The following ASH2L variants were observed in gnomAD, a reference collection of about 807,000 sequenced individuals.
ASH2L encodes set1/Ash2 histone methyltransferase complex subunit ASH2.
Under a neutral mutation model 81.1 loss-of-function variants are expected in ASH2L, and 30 were observed. That is an observed-to-expected ratio of 0.37 (90% CI 0.28 to 0.50). ASH2L has a LOEUF of 0.50. Ranked by LOEUF, ASH2L falls within the 20% of genes least tolerant of loss-of-function variation. The pLI is 0.95. For synonymous variants in ASH2L, 273 were observed against 279.9 expected, an observed-to-expected ratio of 0.98 and a Z score of 0.24; for missense variants, 559 against 792.1, an observed-to-expected ratio of 0.71 and a Z score of 3.53.
intron 5 of ASH2L, among the ~76,000 whole-genome samples, chr8:38,111,833 T>TA (rs1585569154): frequency 1.3e-5 from 2 of 152,192 alleles, no homozygotes; most frequent in African/African-American, 2.4e-5. Flanking sequence ...ATAATCATAA[T>TA]AAAAAAATTT....
At chr8:38,119,157 C>T (rs1811030364) in intron 8 of ASH2L, 113 bp from the exon 9 acceptor site, 1 of 912,270 alleles carries the variant, frequency 1.1e-6, no homozygotes, top group Non-Finnish European at 1.7e-6. Context: ...GAAGGAAATC[C>T]TCCTGTGGTG....
At position 38,110,839 on chromosome 8, in the gene ASH2L, G is replaced by A. The variant is rs1355998276; in HGVS notation, c.585+6G>A. The A allele has an allele frequency of 6.2e-7, 1 of 1,610,176 alleles. No homozygotes were observed. Among genetic ancestry groups the A allele is most frequent in the Non-Finnish European group, 8.5e-7 (1 of 1,177,456 alleles). On this transcript the variant is annotated splice_donor_region_variant and intron_variant, in intron 5 of 15. Transcript: ENST00000343823. ...CAATGTTCTCCAAAGATAAGGTAGA[G>A]GTGGAACTAATGTGATTGCAGTTAT...
intron 12 of ASH2L, 110 bp from the exon 13 acceptor site, chr8:38,133,344 T>TA (rs1256576928): frequency 7.9e-5 from 56 of 711,524 alleles, no homozygotes; most frequent in Non-Finnish European, 1.2e-4. Flanking sequence ...AGATTTTTAA[T>TA]ATCTGTTGTA....
At chr8:38,121,783 T>C (rs1006114551) in intron 10 of ASH2L, among the ~76,000 whole-genome samples, 1 of 152,198 alleles carries the variant, frequency 6.6e-6, no homozygotes, top group African/African-American at 2.4e-5. Flanking sequence ...CAATGTCTTA[T>C]AGCATCATCT....
At position 38,128,419 on chromosome 8, in the gene ASH2L, C is replaced by T. The variant is rs754345234; in HGVS notation, c.1294C>T (p.Pro432Ser). The change falls in exon 11 of 16, where the codon CCA (proline) becomes TCA (serine). Residue 432 changes from proline to serine, a missense_variant. Coordinates refer to ENST00000343823, the MANE Select transcript of ASH2L (RefSeq NM_004674.5). Reference sequence around the variant, plus strand: ...TGAAATCACTGTGGATGAGATGCCACCAGATACCGCTGCCAGACTGGGTTG... The same window carrying T: ...TGAAATCACTGTGGATGAGATGCCATCAGATACCGCTGCCAGACTGGGTTG... ...YFEITVDEMP[P>S]DTAARLGWSQ... 8.1e-6 allele frequency: 13 copies of T among 1,614,114 alleles called. No individual in the cohort carries two copies. The highest frequency in any genetic ancestry group is 1.6e-4 in the Middle Eastern group (1 of 6,062).
intron 1 of ASH2L, 176 bp downstream of exon 1, chr8:38,105,914 C>G: frequency 6.8e-7 from 1 of 1,470,014 alleles, no homozygotes. Context: ...GGATAACGCC[C>G]CTTCCGCACC....
chr8:38,121,392 T>C (rs1811145316), intron 10 of ASH2L, among the ~76,000 whole-genome samples: 1 of 145,916 alleles, frequency 6.9e-6, no homozygotes, highest in Non-Finnish European at 1.5e-5. Context: ...TTTTTAAAAC[T>C]TTCTATTTTG....
rs772139834 is a variant in ASH2L, at chr8:38,106,422, C to T, written c.233C>T (p.Ser78Leu). The T allele has an allele frequency of 4.3e-6, 7 of 1,613,462 alleles. No homozygotes were observed. Among genetic ancestry groups the T allele is most frequent in the Non-Finnish European group, 5.9e-6 (7 of 1,179,744 alleles). ...VDVSGGLETE[S>L]SNGKDTLEGA... is the part of the protein sequence containing the mutation. ...GTAAGCGGTGGCTTGGAGACAGAAT[C>T]ATCTAATGGAAAAGATACACTAGTA... Residue 78 changes from serine (S) to leucine (L), a missense_variant, in exon 2 of 16, where the codon TCA (serine) becomes TTA (leucine). Physicochemically the swap from Ser to Leu is moderately radical, Grantham distance 145. This residue lies in a region of ASH2L where 145 missense variants were observed against 115.5 expected (regional missense o/e 1.26). Coordinates refer to ENST00000343823, the MANE Select transcript of ASH2L (RefSeq NM_004674.5).
chr8:38,131,918 G>C (rs547662533), intron 12 of ASH2L, among the ~76,000 whole-genome samples: 2 of 151,276 alleles, frequency 1.3e-5, no homozygotes, highest in Non-Finnish European at 2.9e-5. Context: ...ACGCAGTCTC[G>C]GCATACTGCA....
intron 10 of ASH2L, among the ~76,000 whole-genome samples, chr8:38,121,842 T>C: frequency 6.6e-6 from 1 of 152,206 alleles, no homozygotes; most frequent in East Asian, 1.9e-4. Context: ...TTGACCATGA[T>C]CATTTGGTTA....
rs766485755 is a variant in ASH2L at position 38,105,685 on chromosome 8, G to T, written c.135G>T (p.Glu45Asp). 1 of 1,583,880 alleles carries T rather than the reference G, an allele frequency of 6.3e-7. No individual in the cohort carries two copies. Among genetic ancestry groups the T allele is most frequent in the Admixed American group, 1.8e-5 (1 of 55,098 alleles). Residue 45 changes from glutamate (E) to aspartate (D), a missense_variant, in exon 1 of 16, where the codon GAG becomes GAT. Around this residue, in one of 4 missense-constraint regions of ASH2L, gnomAD observed 145 missense variants for 115.5 expected, o/e 1.26. Transcript: ENST00000343823. Reference protein sequence around the residue: ...VAAGAAAPPGEGISAAPTVEP... With the variant: ...VAAGAAAPPGDGISAAPTVEP... ...CGGGAGCAGCCGCTCCTCCTGGAGA[G>T]GGGATCTCTGCTGCTCCGACAGTTG...
chr8:38,105,717 G>C lies in ASH2L; in HGVS notation c.167G>C (p.Ser56Thr). 6.5e-7 allele frequency: 1 copy of C among 1,535,904 alleles called. No homozygotes were observed. Among genetic ancestry groups the C allele is most frequent in the Non-Finnish European group, 8.7e-7 (1 of 1,143,966 alleles). Residue 56 changes from serine to threonine, a missense_variant, in exon 1 of 16, where the codon AGT (serine) becomes ACT (threonine). By Grantham distance (58) the Ser-to-Thr change is moderately conservative. Around this residue, in one of 4 missense-constraint regions of ASH2L, gnomAD observed 145 missense variants for 115.5 expected, o/e 1.26. Coordinates refer to ENST00000343823, the MANE Select transcript of ASH2L (RefSeq NM_004674.5). ...TCTGCTGCTCCGACAGTTGAGCCCA[G>C]TTCCGGGGAGGCTGAAGGCGGGTAA... ...GISAAPTVEP[S>T]SGEAEGGEAN...
Position 38,139,486 on chromosome 8 carries a change from GT to G in ASH2L, c.*418del, listed in dbSNP as rs1310846724. 6.4e-6 allele frequency: 1 copy of G among 157,244 alleles called. No individual in the cohort carries two copies. Among genetic ancestry groups the G allele is most frequent in the Non-Finnish European group, 1.4e-5 (1 of 71,016 alleles). 9.7% of individuals were successfully genotyped at this position (157,244 alleles called of 1,614,324 possible). A position where few individuals can be genotyped will look rare whatever the true frequency, so the allele number is the denominator to read the frequency against. On this transcript the variant is annotated 3_prime_UTR_variant, in exon 16 of 16. Transcript: ENST00000343823. The stretch of plus-strand genomic sequence containing the variant: ...CTGTTTTCCAAGGAAATGGTAACCT[GT>G]TTCTGAGAACACCTGAAATCAATGG...
At chr8:38,110,862 T>C (rs1810652476) in intron 5 of ASH2L, 29 bp downstream of exon 5, 1 of 1,578,582 alleles carries the variant, frequency 6.3e-7, no homozygotes, top group African/African-American at 1.3e-5. Context: ...TGATTGCAGT[T>C]ATATTGAAGA....
chr8:38,106,146 T>G, intron 1 of ASH2L: 4 of 1,531,090 alleles, frequency 2.6e-6, no homozygotes, highest in Non-Finnish European at 3.5e-6. Context: ...CCAGGTAGAT[T>G]TGACTGTAAA....
In ASH2L at chr8:38,105,864, C is replaced by T. The variant is rs913797855; in HGVS notation, c.188+126C>T. The T allele has an allele frequency of 1.4e-5, 20 of 1,442,200 alleles. No individual in the cohort carries two copies. The South Asian group carries it at 1.4e-4, about 10-fold the overall frequency. The allele number at this position is 1,442,200 out of a possible 1,614,324, so 89.3% of individuals were successfully genotyped here. A position where few individuals can be genotyped will look rare whatever the true frequency, so the allele number is the denominator to read the frequency against. On this transcript the variant is annotated intron_variant, in intron 1 of 15. Transcript: ENST00000343823. ...GCCCCGCCGCCAATGGCTCGCCCTG[C>T]CTCTGCGCCGCTTGGCCCGTCCCCT...
intron 8 of ASH2L, among the ~76,000 whole-genome samples, chr8:38,118,521 A>G (rs1811001435): frequency 1.3e-5 from 2 of 152,354 alleles, no homozygotes; most frequent in East Asian, 3.9e-4. Flanking sequence ...TATTGCTTTT[A>G]GTTCCACAAG....
chr8:38,127,866 T>C, intron 10 of ASH2L, among the ~76,000 whole-genome samples: 1 of 149,666 alleles, frequency 6.7e-6, no homozygotes, highest in Non-Finnish European at 1.5e-5. Context: ...ACCAACATGG[T>C]GAAACCCTGT....
chr8:38,117,786 G>A (rs1174484071), intron 8 of ASH2L: 1 of 152,208 alleles, frequency 6.6e-6, no homozygotes, highest in Non-Finnish European at 1.5e-5. Flanking sequence ...GGCCACGCGA[G>A]GTGGCTCATG....
Sources: allele counts gnomAD v4.1 joint callset (sites outside exome capture counted in the v4.1 genomes callset), GRCh38; gene constraint gnomAD v4.1.1; regional missense constraint gnomAD v4.1.1; transcripts MANE v1.5; gene names NCBI Gene and HGNC (gene_info 2026-07-23, HGNC 2026-07-21).